EFCAB5: variants seen among roughly 807,000 people sequenced by gnomAD.
EFCAB5 encodes EF-hand calcium binding domain 5.
A neutral mutation model predicts 167.9 loss-of-function variants in EFCAB5; 131 were observed. The ratio of observed to expected loss-of-function variants is 0.78; its 90% CI spans 0.68 to 0.90. EFCAB5 has a LOEUF of 0.90. EFCAB5 is among the 40% of genes least tolerant of loss of function. The pLI, the probability that EFCAB5 is intolerant of heterozygous loss-of-function variation, is 0.00. For missense variants in EFCAB5, 1,663 were observed against 1,745.2 expected (o/e 0.95, Z 0.84); for synonymous variants, 574 against 602.8 (o/e 0.95, Z 0.70).
intron 1 of EFCAB5, among the ~76,000 whole-genome samples, chr17:29,931,695 C>T (rs1011563912): frequency 3.9e-5 from 6 of 151,926 alleles, no homozygotes; most frequent in African/African-American, 1.2e-4. Flanking sequence ...CATGGGAGAC[C>T]AAAGAGGAAA....
upstream of EFCAB5, among the ~76,000 whole-genome samples, chr17:29,936,715 C>T (rs938094894): frequency 1.3e-5 from 2 of 152,216 alleles, no homozygotes; most frequent in African/African-American, 4.8e-5. Flanking sequence ...GAATTTATTT[C>T]CCATCCTCTG....
chr17:30,054,487 A>T (rs1181865321), intron 10 of EFCAB5, among the ~76,000 whole-genome samples: 2 of 152,146 alleles, frequency 1.3e-5, no homozygotes, highest in Non-Finnish European at 2.9e-5. Context: ...CACTTTAAAA[A>T]TTTTCTTTTA....
chr17:30,047,271 T>C (rs1176835633), intron 8 of EFCAB5, among the ~76,000 whole-genome samples: 2 of 152,204 alleles, frequency 1.3e-5, no homozygotes, highest in Non-Finnish European at 2.9e-5. Context: ...ATATGTAGCC[T>C]CTATATGTGC....
chr17:29,943,648 A>C lies in EFCAB5; in HGVS notation c.189A>C (p.Gln63His). ...AAGCAATGGATGAAATCAAATCCCA[A>C]GGTAGAGAACTAGCCTTTCTCTTAT... The part of the protein sequence containing the change: ...VEKAMDEIKS[Q>H]ELNLEGQRKI... The change falls in exon 3 of 23, where the codon CAA becomes CAC. Residue 63 changes from glutamine (Q) to histidine (H), a missense_variant and splice_region_variant. Transcript: ENST00000394835. 1 of 1,570,116 alleles carries C rather than the reference A, an allele frequency of 6.4e-7. No individual in the cohort carries two copies. The highest frequency in any genetic ancestry group is 8.6e-7 in the Non-Finnish European group (1 of 1,156,768).
At chr17:30,026,961 C>T (rs1372268325) in intron 7 of EFCAB5, among the ~76,000 whole-genome samples, 7 of 64,548 alleles carry the variant, frequency 1.1e-4, no homozygotes, top group Middle Eastern at 0.011. Flanking sequence ...CTCCTTGTAC[C>T]TTTTTTTTTT....
chr17:29,940,903 G>T (rs1184499926), upstream of EFCAB5, among the ~76,000 whole-genome samples: 1 of 151,954 alleles, frequency 6.6e-6, no homozygotes, highest in African/African-American at 2.4e-5. Context: ...AGCCAGGCAT[G>T]GTGGTGAGCA....
intron 3 of EFCAB5, among the ~76,000 whole-genome samples, chr17:29,956,641 G>T (rs1228984091): frequency 4.6e-5 from 7 of 152,200 alleles, no homozygotes; most frequent in Non-Finnish European, 8.8e-5. Flanking sequence ...TATGGATGCA[G>T]CTTTAGACCA....
chr17:30,003,103 G>A (rs999248914), intron 7 of EFCAB5, among the ~76,000 whole-genome samples: 9 of 141,130 alleles, frequency 6.4e-5, no homozygotes, highest in African/African-American at 1.8e-4. Flanking sequence ...TTGTAGCGGG[G>A]GGGGGGTCTG....
chr17:29,944,347 C>T (rs1378863276), intron 3 of EFCAB5, among the ~76,000 whole-genome samples: 1 of 152,110 alleles, frequency 6.6e-6, no homozygotes, highest in Non-Finnish European at 1.5e-5. Context: ...TCCAGAGTCA[C>T]TGAGATTATA....
At position 30,107,888 on chromosome 17, in the gene EFCAB5, AC is replaced by A; in HGVS notation, c.4378del (p.His1460ThrfsTer10). The A allele has an allele frequency of 6.2e-7, 1 of 1,602,764 alleles. No homozygotes were observed. The highest frequency in any genetic ancestry group is 8.5e-7 in the Non-Finnish European group (1 of 1,177,106). ...KFGNVVIEHL[Y>X]HWIHICSALM... Reference sequence around the variant, plus strand: ...GGTAATGTTGTCATTGAACATCTATACCACTGGATACACATCTGTTCAGCTC... The same window carrying A: ...GGTAATGTTGTCATTGAACATCTATACACTGGATACACATCTGTTCAGCTC... On this transcript the variant is annotated frameshift_variant, in exon 23 of 23. Transcript: ENST00000394835. LOFTEE classifies it low-confidence loss of function (END_TRUNC).
chr17:29,974,644 A>ATAAAGGGATTTT (rs908563366), intron 4 of EFCAB5, among the ~76,000 whole-genome samples: 2 of 152,212 alleles, frequency 1.3e-5, no homozygotes, highest in African/African-American at 4.8e-5. Flanking sequence ...TATGCTGGAG[A>ATAAAGGGATTTT]TAATCCTTTT....
chr17:30,080,650 T>C (rs2151835173), intron 16 of EFCAB5, 103 bp from the exon 17 acceptor site: 3 of 881,234 alleles, frequency 3.4e-6, no homozygotes. Context: ...CTCGGTCATA[T>C]AATGCCACAG....
rs891644927 is a variant in EFCAB5, at chr17:29,930,645, T to C, written c.-127+1316T>C. 9.9e-5 allele frequency among the ~76,000 whole-genome samples: 15 copies of C among 152,140 alleles called. No homozygotes were observed. In the South Asian group the frequency reaches 1.7e-3, roughly 17 times the overall value. ...CCCTCTCACTGGGCGCAGACAGAACTGGGCTAGACCAGTTTACTCCCTTCA... is the reference window on the plus strand; with the variant it reads ...CCCTCTCACTGGGCGCAGACAGAACCGGGCTAGACCAGTTTACTCCCTTCA... On this transcript the variant is annotated intron_variant, in intron 1 of 3. Coordinates refer to the EFCAB5 transcript ENST00000448319.
intron 14 of EFCAB5, among the ~76,000 whole-genome samples, chr17:30,061,593 A>T (rs2070427652): frequency 6.6e-6 from 1 of 152,012 alleles, no homozygotes. Context: ...CCTTTTTTTT[A>T]GAGACAAGGT....
chr17:30,086,988 T>C (rs964630996), intron 18 of EFCAB5, 75 bp from the exon 19 acceptor site: 28 of 1,328,014 alleles, frequency 2.1e-5, no homozygotes, highest in Non-Finnish European at 2.8e-5. Flanking sequence ...TTTTTTTCTA[T>C]TTATCTGTCC....
chr17:30,092,155 T>A lies in EFCAB5; in HGVS notation c.4222T>A (p.Phe1408Ile), dbSNP rs1328216791. 3 of 1,600,772 alleles carry A rather than the reference T, an allele frequency of 1.9e-6. No individual in the cohort carries two copies. The highest frequency in any genetic ancestry group is 2.2e-5 in the South Asian group (2 of 89,368). Residue 1408 changes from phenylalanine to isoleucine, a missense_variant and splice_region_variant, in exon 21 of 23, where the codon TTT becomes ATT. Transcript: ENST00000394835. ...CTTTGGAAGTTGGGATAAGTGTAAA[T>A]TTGTAAGTTTTTTTTTAAAAAGCAC... Reference protein sequence around the residue: ...SDFGSWDKCKFYVNKYLVNNI... With the variant: ...SDFGSWDKCKIYVNKYLVNNI...
chr17:29,933,615 T>TG (rs1418574774), intron 1 of EFCAB5, among the ~76,000 whole-genome samples: 1 of 152,218 alleles, frequency 6.6e-6, no homozygotes. Flanking sequence ...CCACCTGCGA[T>TG]GCTGGAGGCC....
chr17:30,038,714 G>A (rs1356967776), intron 8 of EFCAB5, among the ~76,000 whole-genome samples: 1 of 152,200 alleles, frequency 6.6e-6, no homozygotes, highest in Non-Finnish European at 1.5e-5. Flanking sequence ...TCTTGCCACT[G>A]TTCCATCTGT....
At chr17:29,932,991 T>C (rs1418024587) in intron 1 of EFCAB5, among the ~76,000 whole-genome samples, 1 of 152,236 alleles carries the variant, frequency 6.6e-6, no homozygotes, top group Admixed American at 6.5e-5. Context: ...TTGGAAATTA[T>C]TGGTGCATGT....
Sources: gnomAD v4.1 joint callset for allele counts (sites outside exome capture counted in the v4.1 genomes callset) on GRCh38, gnomAD v4.1.1 for gene constraint, MANE v1.5 for transcripts, NCBI Gene and HGNC (gene_info 2026-07-23, HGNC 2026-07-21) for gene names.